QSER1: variants seen among roughly 807,000 people sequenced by gnomAD.
The protein encoded by QSER1 is glutamine and serine-rich protein 1.
Under a neutral mutation model 158.5 loss-of-function variants are expected in QSER1, and 49 were observed. The observed-to-expected ratio is 0.31, with a 90% CI of 0.25 to 0.39. QSER1 has a LOEUF of 0.39. Among genes scored for constraint, QSER1 ranks in the 10% least tolerant of loss-of-function variants. The pLI is 1.00. For synonymous variants in QSER1, 650 were observed against 715.5 expected, an observed-to-expected ratio of 0.91 and a Z score of 1.46; for missense variants, 1,754 against 2,010.3, an observed-to-expected ratio of 0.87 and a Z score of 2.44.
intron 1 of QSER1, among the ~76,000 whole-genome samples, chr11:32,908,134 A>G (rs1851717425): frequency 6.6e-6 from 1 of 152,208 alleles, no homozygotes; most frequent in South Asian, 2.1e-4. Flanking sequence ...AAATACTGAA[A>G]TATTGGAAAT....
chr11:32,946,987 AT>A (rs1678185145), intron 4 of QSER1, among the ~76,000 whole-genome samples: 1 of 152,020 alleles, frequency 6.6e-6, no homozygotes, highest in Admixed American at 6.5e-5. Flanking sequence ...GAGTGACCTG[AT>A]TTTCCAGGTG....
chr11:32,953,636 A>T (rs532879671), intron 4 of QSER1, among the ~76,000 whole-genome samples: 1 of 152,212 alleles, frequency 6.6e-6, no homozygotes, highest in Non-Finnish European at 1.5e-5. Flanking sequence ...GGATAGGTAG[A>T]TAGTTGCAGG....
chr11:32,894,785 C>T (rs750827304), intron 1 of QSER1, among the ~76,000 whole-genome samples: 3 of 152,148 alleles, frequency 2.0e-5, no homozygotes, highest in Non-Finnish European at 4.4e-5. Context: ...ATGCTGAAAC[C>T]TTTCAGAAAT....
intron 1 of QSER1, among the ~76,000 whole-genome samples, chr11:32,898,636 G>T (rs1195795345): frequency 2.6e-5 from 4 of 152,026 alleles, no homozygotes; most frequent in South Asian, 4.2e-4. Context: ...GCCTAGGGTG[G>T]AGTACAGTGG....
chr11:32,902,458 A>G (rs1851637802), intron 1 of QSER1, among the ~76,000 whole-genome samples: 1 of 152,188 alleles, frequency 6.6e-6, no homozygotes, highest in African/African-American at 2.4e-5. Flanking sequence ...TTTGAGAACC[A>G]CTGACCTGGA....
rs1203736685 is a variant in QSER1, at chr11:32,966,343, A to G, written c.5013A>G (p.Thr1671=). 3.1e-6 allele frequency: 5 copies of G among 1,614,112 alleles called. No homozygotes were observed. Among genetic ancestry groups the G allele is most frequent in the Non-Finnish European group, 4.2e-6 (5 of 1,179,982 alleles). ...PAPFVTRFLN[T]RAMKETFKSY... ...CCTTTGTCACTCGCTTTTTGAACAC[A>G]AGAGCAATGAAGGAAACCTTTAAGA... Residue 1671 remains threonine (T), a synonymous_variant, in exon 9 of 13, where the codon ACA becomes ACG. Transcript: ENST00000650167.
intron 11 of QSER1, among the ~76,000 whole-genome samples, chr11:32,973,925 T>C (rs975983498): frequency 6.6e-6 from 1 of 152,236 alleles, no homozygotes; most frequent in Non-Finnish European, 1.5e-5. Context: ...ACATATGCAT[T>C]ACTTGTAATA....
At chr11:32,907,873 A>G (rs183087446) in intron 1 of QSER1, among the ~76,000 whole-genome samples, 139 of 152,298 alleles carry the variant, frequency 9.1e-4, no homozygotes, top group Admixed American at 2.9e-3. Flanking sequence ...CAAGGCAGGC[A>G]CAGATCCCTT....
Position 32,934,306 on chromosome 11 carries a change from A to G in QSER1, c.3048A>G (p.Lys1016=), listed in dbSNP as rs1266729067. ...AGGCTGTTGAAGATGGTGATTCTAA[A>G]TCTCATTTTCAGCAGTCATTAGATG... The part of the protein sequence containing the change: ...TMQAVEDGDS[K]SHFQQSLDVR... The change falls in exon 4 of 13, where the codon AAA becomes AAG. Residue 1016 remains lysine (K), a synonymous_variant. Coordinates refer to ENST00000650167, the MANE Select transcript of QSER1 (RefSeq NM_001076786.3). The G allele has an allele frequency of 1.2e-6, 2 of 1,613,878 alleles. No homozygotes were observed. The highest frequency in any genetic ancestry group is 1.7e-6 in the Non-Finnish European group (2 of 1,179,992).
intron 9 of QSER1, 143 bp downstream of exon 9, chr11:32,966,580 A>G: frequency 1.5e-6 from 1 of 672,808 alleles, no homozygotes; most frequent in Non-Finnish European, 2.2e-6. Flanking sequence ...TCTTAATTCC[A>G]TAAAATGGTC....
intron 8 of QSER1, among the ~76,000 whole-genome samples, chr11:32,964,717 C>CATATAT (rs375985842): frequency 0.056 from 3,565 of 63,786 alleles, 119 homozygotes; most frequent in South Asian, 0.078. Context: ...AAAAAAACAC[C>CATATAT]ATATATATAT....
rs1439824379 is a variant in QSER1, at chr11:32,954,104, A to G, written c.4425A>G (p.Thr1475=). ...AIEGFTDEED[T]ESGGEGQYRE... ...AAGGTTTTACAGATGAGGAGGACACAGAAAGCGGAGGAGAAGGCCAATACA... is the reference window on the plus strand; with the variant it reads ...AAGGTTTTACAGATGAGGAGGACACGGAAAGCGGAGGAGAAGGCCAATACA... Residue 1475 remains threonine, a synonymous_variant, in exon 5 of 13, where the codon ACA becomes ACG. Transcript: ENST00000650167. 6.2e-7 allele frequency: 1 copy of G among 1,614,024 alleles called. No homozygotes were observed. Among genetic ancestry groups the G allele is most frequent in the Non-Finnish European group, 8.5e-7 (1 of 1,180,044 alleles).
chr11:32,951,208 A>G (rs1023250722), intron 4 of QSER1, among the ~76,000 whole-genome samples: 10 of 152,174 alleles, frequency 6.6e-5, no homozygotes, highest in Non-Finnish European at 1.5e-4. Context: ...TCTCTATTGA[A>G]TGGTTCTGGC....
intron 8 of QSER1, among the ~76,000 whole-genome samples, chr11:32,961,548 T>G (rs1852625290): frequency 1.3e-5 from 2 of 152,224 alleles, no homozygotes; most frequent in Non-Finnish European, 2.9e-5. Context: ...CACACTGTTG[T>G]ATAACCCTCA....
chr11:32,914,797 T>A (rs935801363), intron 1 of QSER1, among the ~76,000 whole-genome samples: 2 of 152,240 alleles, frequency 1.3e-5, no homozygotes, highest in African/African-American at 4.8e-5. Context: ...TTGCCTCAGC[T>A]ATATCTGCTT....
chr11:32,922,315 C>T (rs1851908662), intron 1 of QSER1, among the ~76,000 whole-genome samples: 1 of 152,020 alleles, frequency 6.6e-6, no homozygotes, highest in South Asian at 2.1e-4. Context: ...ATTTGCAAAA[C>T]ATAACTGGCC....
At chr11:32,925,116 A>G (rs1453292342) in intron 1 of QSER1, among the ~76,000 whole-genome samples, 2 of 152,162 alleles carry the variant, frequency 1.3e-5, no homozygotes, top group African/African-American at 4.8e-5. Flanking sequence ...CATTTTCTTT[A>G]TCCAGTCAAC....
At chr11:32,965,898 G>A (rs915811531) in intron 8 of QSER1, among the ~76,000 whole-genome samples, 5 of 150,030 alleles carry the variant, frequency 3.3e-5, no homozygotes, top group Non-Finnish European at 4.4e-5. Flanking sequence ...CCAAGATGGC[G>A]CCATTGTACT....
chr11:32,962,956 G>A (rs1297611563), intron 8 of QSER1, among the ~76,000 whole-genome samples: 2 of 152,050 alleles, frequency 1.3e-5, no homozygotes, highest in South Asian at 4.1e-4. Flanking sequence ...TGTTTTCTTG[G>A]GGGAAAGAAT....
Sources: allele counts gnomAD v4.1 joint callset (sites outside exome capture counted in the v4.1 genomes callset), GRCh38; gene constraint gnomAD v4.1.1; transcripts MANE v1.5; gene names NCBI Gene and HGNC (gene_info 2026-07-23, HGNC 2026-07-21).